CCDC25: variants seen among roughly 807,000 people sequenced by gnomAD.
The protein encoded by CCDC25 is coiled-coil domain-containing protein 25.
Under a neutral mutation model 35.3 loss-of-function variants are expected in CCDC25, and 16 were observed. The observed-to-expected ratio is 0.45, with a 90% CI of 0.31 to 0.69. The LOEUF (loss-of-function observed/expected upper bound fraction) is 0.69. Ranked by LOEUF, CCDC25 falls within the 30% of genes least tolerant of loss-of-function variation. The pLI is 0.06. For missense variants in CCDC25, 179 were observed against 250.7 expected, an observed-to-expected ratio of 0.71 and a Z score of 1.93; for synonymous variants, 79 against 80.3, an observed-to-expected ratio of 0.98 and a Z score of 0.09.
At position 27,734,541 on chromosome 8, in the gene CCDC25, A is replaced by T. The variant is rs1803149002; in HGVS notation, c.*1675T>A. On this transcript the variant is annotated 3_prime_UTR_variant, in exon 9 of 9. Transcript: ENST00000356537. ...TCCCTGGGACCAACAGAGATGGGGAAAAAAATAAAACAAAGAGGCTGCAGG... is the reference window on the plus strand; with the variant it reads ...TCCCTGGGACCAACAGAGATGGGGATAAAAATAAAACAAAGAGGCTGCAGG... 1.3e-5 allele frequency: 2 copies of T among 152,200 alleles called. No homozygotes were observed. Among genetic ancestry groups the T allele is most frequent in the Admixed American group, 1.3e-4 (2 of 15,272 alleles). The allele number at this position is 152,200 out of a possible 1,614,324, so 9.4% of individuals were successfully genotyped here.
chr8:27,745,648 C>A (rs1803577875), intron 7 of CCDC25, among the ~76,000 whole-genome samples: 1 of 152,194 alleles, frequency 6.6e-6, no homozygotes. Context: ...GAGCCTATTG[C>A]TGGAATTTCA....
chr8:27,766,232 G>A (rs142349482), intron 1 of CCDC25, among the ~76,000 whole-genome samples: 1 of 152,340 alleles, frequency 6.6e-6, no homozygotes, highest in Non-Finnish European at 1.5e-5. Context: ...ACTGATAAGT[G>A]CAGGGTTGGG....
chr8:27,757,623 A>G (rs945089202), intron 3 of CCDC25, among the ~76,000 whole-genome samples: 7 of 152,164 alleles, frequency 4.6e-5, no homozygotes, highest in Non-Finnish European at 7.3e-5. Context: ...CATGTTTTCA[A>G]TTCACCCAAT....
At chr8:27,747,952 G>A (rs1422852908) in intron 7 of CCDC25, 125 bp downstream of exon 7, 17 of 918,450 alleles carry the variant, frequency 1.9e-5, no homozygotes, top group African/African-American at 1.7e-4. Context: ...TTAAGGTTGA[G>A]CTTAAGCTGA....
In CCDC25 at chr8:27,737,875, T is replaced by TACACACACACACACACACAC. The variant is rs200945575; in HGVS notation, c.598-1631_598-1630insGTGTGTGTGTGTGTGTGTGT. ...GGATAAAGAAACTGTGGTGTGTGTATACACACACTCACACACACACACACA... is the reference window on the plus strand; with the variant it reads ...GGATAAAGAAACTGTGGTGTGTGTATACACACACACACACACACACACACACACTCACACACACACACACA... On this transcript the variant is annotated intron_variant, in intron 8 of 8. Coordinates refer to ENST00000356537, the MANE Select transcript of CCDC25 (RefSeq NM_018246.3). The surrounding 1 kb of genome is among the most constrained non-coding windows in gnomAD (Gnocchi z 4.6). Among the ~76,000 whole-genome samples the TACACACACACACACACACAC allele has an allele frequency of 7.3e-6, 1 of 136,076 alleles. No homozygotes were observed. The highest frequency in any genetic ancestry group is 2.5e-4 in the South Asian group (1 of 4,014). The allele number at this position is 136,076 out of a possible 152,430, so 89.3% of individuals were successfully genotyped here.
At chr8:27,756,906 A>C (rs1804025245) in intron 3 of CCDC25, 136 bp from the exon 4 acceptor site, 1 of 651,196 alleles carries the variant, frequency 1.5e-6, no homozygotes. Flanking sequence ...GAGGAGTATA[A>C]AGCACAGTCA....
At chr8:27,763,544 C>T (rs1563458519) in intron 2 of CCDC25, among the ~76,000 whole-genome samples, 1 of 152,090 alleles carries the variant, frequency 6.6e-6, no homozygotes, top group Non-Finnish European at 1.5e-5. Context: ...ATGGTGAAAC[C>T]CCATCTCCAC....
At chr8:27,760,761 A>T (rs975606787) in intron 3 of CCDC25, among the ~76,000 whole-genome samples, 1 of 152,208 alleles carries the variant, frequency 6.6e-6, no homozygotes, top group African/African-American at 2.4e-5. Context: ...GTTTAACTTG[A>T]TGACATATTT....
rs1390211505 is a variant in CCDC25, at chr8:27,748,074, T to C, written c.551+3A>G. On this transcript the variant is annotated splice_donor_region_variant and intron_variant, in intron 7 of 8. Coordinates refer to ENST00000356537, the MANE Select transcript of CCDC25 (RefSeq NM_018246.3). ...CAGTCTCAATGCCACAGCTCCGACA[T>C]ACCTAAGTTCATCCATTTCCCTCTT... The C allele has an allele frequency of 6.2e-7, 1 of 1,611,244 alleles. No homozygotes were observed.
chr8:27,772,448 A>G (rs1795433480), intron 1 of CCDC25, 65 bp downstream of exon 1: 2 of 1,494,642 alleles, frequency 1.3e-6, no homozygotes, highest in Non-Finnish European at 1.8e-6. Context: ...GCAGCGGCGG[A>G]CTGCGGGTCC....
intron 5 of CCDC25, among the ~76,000 whole-genome samples, chr8:27,750,587 G>C (rs1803764768): frequency 6.6e-6 from 1 of 152,148 alleles, no homozygotes; most frequent in South Asian, 2.1e-4. Context: ...CCAGGTGCAA[G>C]GTCAGAAAAC....
intron 1 of CCDC25, among the ~76,000 whole-genome samples, chr8:27,767,269 G>C (rs1804432623): frequency 6.6e-6 from 1 of 152,204 alleles, no homozygotes; most frequent in African/African-American, 2.4e-5. Context: ...GAGAGGCTCA[G>C]GCATGAGGAT....
Position 27,748,166 on chromosome 8 carries a change from T to C in CCDC25, c.462A>G (p.Glu154=). 1 of 1,613,918 alleles carries C rather than the reference T, an allele frequency of 6.2e-7. No homozygotes were observed. Among genetic ancestry groups the C allele is most frequent in the Non-Finnish European group, 8.5e-7 (1 of 1,179,862 alleles). Residue 154 remains glutamate, a synonymous_variant, in exon 7 of 9, where the codon GAA becomes GAG. Transcript: ENST00000356537. The part of the protein sequence containing the change: ...LAAEKECRDR[E]ERNEKKAQIQ... ...TTTGGGCTTTTTTCTCATTCCTCTC[T>C]TCACGATCTCTGCATTCTTTCTCTG...
At chr8:27,742,309 A>G (rs1803465763) in intron 7 of CCDC25, among the ~76,000 whole-genome samples, 1 of 151,984 alleles carries the variant, frequency 6.6e-6, no homozygotes. Context: ...AGCTTGTAAG[A>G]GTTAAGTGGT....
chr8:27,755,270 G>C (rs1038012671), intron 4 of CCDC25, among the ~76,000 whole-genome samples: 1 of 152,208 alleles, frequency 6.6e-6, no homozygotes, highest in Non-Finnish European at 1.5e-5. Flanking sequence ...TGTGCTCAAA[G>C]AACAAAAGGA....
At chr8:27,739,422 T>A (rs989726827) in intron 8 of CCDC25, among the ~76,000 whole-genome samples, 1 of 152,116 alleles carries the variant, frequency 6.6e-6, no homozygotes, top group South Asian at 2.1e-4. Context: ...TTGTAAGGGA[T>A]CTTAAATTCT....
At position 27,748,142 on chromosome 8, in the gene CCDC25, T is replaced by A. The variant is rs1803667500; in HGVS notation, c.486A>T (p.Gln162His). The A allele has an allele frequency of 1.9e-6, 3 of 1,613,656 alleles. No homozygotes were observed. Among genetic ancestry groups the A allele is most frequent in the Non-Finnish European group, 1.7e-6 (2 of 1,179,856 alleles). ...DREERNEKKA[Q>H]IQEMKKREKE... ...TTTCTCTCTTTTTCATTTCCTGAAT[T>A]TGGGCTTTTTTCTCATTCCTCTCTT... Residue 162 changes from glutamine (Q) to histidine (H), a missense_variant, in exon 7 of 9, where the codon CAA (glutamine) becomes CAT (histidine). Gln to His is a conservative substitution (Grantham distance 24, BLOSUM62 0). Transcript: ENST00000356537.
At chr8:27,757,859 G>T (rs10101588) in intron 3 of CCDC25, among the ~76,000 whole-genome samples, 66,302 of 151,958 alleles carry the variant, frequency 0.44, 14,712 homozygotes, top group East Asian at 0.63. Flanking sequence ...TCATGAATGG[G>T]TTAGCACCAT....
chr8:27,740,584 C>T (rs781005505), intron 7 of CCDC25, 67 bp from the exon 8 acceptor site: 81 of 1,412,476 alleles, frequency 5.7e-5, no homozygotes, highest in Non-Finnish European at 7.9e-5. Context: ...ATTTGATGAA[C>T]ATTTCCTGTG....
Sources: allele counts gnomAD v4.1 joint callset (sites outside exome capture counted in the v4.1 genomes callset), GRCh38; gene constraint gnomAD v4.1.1; non-coding constraint Gnocchi (gnomAD v3.1); transcripts MANE v1.5; gene names NCBI Gene and HGNC (gene_info 2026-07-23, HGNC 2026-07-21).